SPMIP6: variants seen among roughly 807,000 people sequenced by gnomAD.
SPMIP6 encodes ciliated bronchial epithelial protein 1.
the SPMIP6 span, chr9:34,379,672 C>T: frequency 6.2e-7 from 1 of 1,614,094 alleles, no homozygotes. This position sits in a 1 kb window ranked among gnomAD's most constrained non-coding sequence, Gnocchi z 4.2. Flanking sequence ...GGTAGTATGA[C>T]GGCGGGGGAG....
At chr9:34,381,462 G>A in the SPMIP6 span, 5 of 1,613,880 alleles carry the variant, frequency 3.1e-6, no homozygotes, top group African/African-American at 1.3e-5. The surrounding 1 kb of genome is among the most constrained non-coding windows in gnomAD (Gnocchi z 4.4). Flanking sequence ...CGGCACACAT[G>A]CTACCTCAAG....
At chr9:34,393,767 CTCTT>C in the SPMIP6 span, among the ~76,000 whole-genome samples, 1 of 151,852 alleles carries the variant, frequency 6.6e-6, no homozygotes, top group Admixed American at 6.6e-5. Context: ...ATATTTTCAT[CTCTT>C]TGTCTCTCTG....
At chr9:34,380,603 C>T in the SPMIP6 span, 1 of 1,454,672 alleles carries the variant, frequency 6.9e-7, no homozygotes, top group Admixed American at 2.6e-5. Flanking sequence ...CCTCAAAAAC[C>T]CTCTGACGGG....
the SPMIP6 span, chr9:34,385,667 G>T: frequency 6.2e-7 from 1 of 1,613,854 alleles, no homozygotes; most frequent in Admixed American, 1.7e-5. Context: ...TACTTCTCAG[G>T]CAAGTAGGGG....
the SPMIP6 span, among the ~76,000 whole-genome samples, chr9:34,388,978 C>G: frequency 4.2e-5 from 6 of 141,190 alleles, no homozygotes; most frequent in African/African-American, 1.6e-4. Flanking sequence ...GTTGCCCAGG[C>G]TGGAGTGCAG....
chr9:34,379,096 G>C, the SPMIP6 span: 1 of 1,609,914 alleles, frequency 6.2e-7, no homozygotes, highest in East Asian at 2.2e-5. The surrounding 1 kb of genome is among the most constrained non-coding windows in gnomAD (Gnocchi z 4.2). Flanking sequence ...CGATAGTCGG[G>C]ATAGGTCTCA....
the SPMIP6 span, chr9:34,379,558 A>T: frequency 8.4e-7 from 1 of 1,191,246 alleles, no homozygotes; most frequent in African/African-American, 1.5e-5. The surrounding 1 kb of genome is among the most constrained non-coding windows in gnomAD (Gnocchi z 4.2). Context: ...GAGCGTTCTC[A>T]TCCCGTCTAC....
the SPMIP6 span, among the ~76,000 whole-genome samples, chr9:34,388,141 CTTTT>C: frequency 5.2e-5 from 7 of 135,024 alleles, no homozygotes; most frequent in Admixed American, 7.4e-5. Context: ...AGTTTAACTG[CTTTT>C]TTTTTTTTTT....
the SPMIP6 span, among the ~76,000 whole-genome samples, chr9:34,394,705 T>C: frequency 6.6e-6 from 1 of 152,226 alleles, no homozygotes; most frequent in Admixed American, 6.5e-5. Flanking sequence ...TGGAACTTTC[T>C]GGTTAAGTTT....
the SPMIP6 span, chr9:34,397,636 T>A: frequency 1.9e-6 from 3 of 1,598,314 alleles, no homozygotes; most frequent in Non-Finnish European, 2.6e-6. Flanking sequence ...AGGAACATGG[T>A]GTGGTCTTGG....
At chr9:34,381,188 A>G in the SPMIP6 span, 1 of 1,555,296 alleles carries the variant, frequency 6.4e-7, no homozygotes, top group Non-Finnish European at 8.7e-7. This position sits in a 1 kb window ranked among gnomAD's most constrained non-coding sequence, Gnocchi z 4.4. Context: ...AGGGATGGGA[A>G]GAGGCCGAGT....
chr9:34,388,680 GTCGCCATTGCC>G, the SPMIP6 span, among the ~76,000 whole-genome samples: 1 of 146,350 alleles, frequency 6.8e-6, no homozygotes, highest in African/African-American at 2.6e-5. Flanking sequence ...CCAAAATTGT[GTCGCCATTGCC>G]TCTTCCTTCT....
chr9:34,395,564 A>C, the SPMIP6 span, among the ~76,000 whole-genome samples: 1 of 151,664 alleles, frequency 6.6e-6, no homozygotes, highest in African/African-American at 2.4e-5. Context: ...TGGCAATTTC[A>C]TCTCTTCCTA....
the SPMIP6 span, among the ~76,000 whole-genome samples, chr9:34,390,588 A>AT: frequency 3.9e-5 from 6 of 152,146 alleles, no homozygotes; most frequent in Non-Finnish European, 8.8e-5. Context: ...ATCACAAATT[A>AT]TTTTTTATAC....
At chr9:34,382,900 T>C in the SPMIP6 span, 1 of 1,347,124 alleles carries the variant, frequency 7.4e-7, no homozygotes, top group South Asian at 1.2e-5. Flanking sequence ...TGTCAAATAG[T>C]GTTACTTCTT....
the SPMIP6 span, among the ~76,000 whole-genome samples, chr9:34,388,062 T>A: frequency 6.6e-6 from 1 of 151,724 alleles, no homozygotes; most frequent in Middle Eastern, 3.2e-3. Flanking sequence ...CAAAAATTAG[T>A]CTCCTGACTT....
At chr9:34,379,087 G>T in the SPMIP6 span, 1 of 1,603,286 alleles carries the variant, frequency 6.2e-7, no homozygotes, top group Non-Finnish European at 8.5e-7. The surrounding 1 kb of genome is among the most constrained non-coding windows in gnomAD (Gnocchi z 4.2). Context: ...TACCAGCAAC[G>T]ATAGTCGGGA....
At chr9:34,388,158 T>A in the SPMIP6 span, among the ~76,000 whole-genome samples, 1 of 127,986 alleles carries the variant, frequency 7.8e-6, no homozygotes, top group South Asian at 2.5e-4. Context: ...TTTTTTTTTT[T>A]AGATGGAGTT....
chr9:34,397,651 G>T, the SPMIP6 span: 1 of 1,570,616 alleles, frequency 6.4e-7, no homozygotes. Flanking sequence ...TCTTGGAGAT[G>T]CCGTGGTGGG....
Sources: gnomAD v4.1 joint callset for allele counts (sites outside exome capture counted in the v4.1 genomes callset) on GRCh38, gnomAD v4.1.1 for gene constraint, Gnocchi (gnomAD v3.1) non-coding constraint, MANE v1.5 for transcripts, NCBI Gene and HGNC (gene_info 2026-07-23, HGNC 2026-07-21) for gene names.